B3GALT1: variants seen among roughly 807,000 people sequenced by gnomAD.
B3GALT1 encodes beta-1,3-galactosyltransferase 1.
B3GALT1 carries 10 observed loss-of-function variants against 23.2 expected under a neutral mutation model. The ratio of observed to expected loss-of-function variants is 0.43; its 90% CI spans 0.27 to 0.73. The LOEUF is 0.73. Among genes scored for constraint, B3GALT1 ranks in the 30% least tolerant of loss-of-function variants. B3GALT1 has a pLI of 0.21. For missense variants in B3GALT1, 299 were observed against 405.4 expected, an observed-to-expected ratio of 0.74 and a Z score of 2.25; for synonymous variants, 156 against 141.5, an observed-to-expected ratio of 1.10 and a Z score of -0.73.
At chr2:167,443,984 G>C (rs781647391) in intron 1 of B3GALT1, among the ~76,000 whole-genome samples, 1 of 152,176 alleles carries the variant, frequency 6.6e-6, no homozygotes, top group Non-Finnish European at 1.5e-5. Context: ...TGCCCATTCA[G>C]TATGATATTG....
chr2:167,416,386 G>A (rs1698471212), intron 1 of B3GALT1, among the ~76,000 whole-genome samples: 1 of 152,208 alleles, frequency 6.6e-6, no homozygotes, highest in Non-Finnish European at 1.5e-5. Context: ...GCATCCATGT[G>A]CAAATTCTGT....
At chr2:167,392,280 A>T (rs191915660) in intron 1 of B3GALT1, among the ~76,000 whole-genome samples, 1 of 152,226 alleles carries the variant, frequency 6.6e-6, no homozygotes, top group Admixed American at 6.5e-5. Flanking sequence ...AATATGGAAG[A>T]ATCTGAAGAA....
At chr2:167,355,223 C>A (rs10171431) in intron 1 of B3GALT1, among the ~76,000 whole-genome samples, 5,363 of 152,300 alleles carry the variant, frequency 0.035, 312 homozygotes, top group African/African-American at 0.12. Context: ...TTTAACCTCA[C>A]AGGTCACCAT....
At chr2:167,583,510 T>C (rs549115289) in intron 2 of B3GALT1, among the ~76,000 whole-genome samples, 1 of 152,352 alleles carries the variant, frequency 6.6e-6, no homozygotes, top group East Asian at 1.9e-4. Context: ...TACAGCTGTT[T>C]ATATTTACAA....
At chr2:167,523,688 G>T (rs920635170) in intron 2 of B3GALT1, among the ~76,000 whole-genome samples, 1 of 152,122 alleles carries the variant, frequency 6.6e-6, no homozygotes. Context: ...GCTTCCTGAA[G>T]TGCTGGGATG....
chr2:167,705,080 G>T, intron 3 of B3GALT1, among the ~76,000 whole-genome samples: 1 of 152,144 alleles, frequency 6.6e-6, no homozygotes. Flanking sequence ...TGACCTGCTT[G>T]TGTATTTGAC....
At chr2:167,733,141 T>C (rs942464372) in intron 3 of B3GALT1, among the ~76,000 whole-genome samples, 2 of 106,982 alleles carry the variant, frequency 1.9e-5, no homozygotes, top group African/African-American at 7.9e-5. Flanking sequence ...GAGAATCTGA[T>C]CTTCTTACTA....
intron 3 of B3GALT1, among the ~76,000 whole-genome samples, chr2:167,651,698 C>G (rs1432947998): frequency 6.6e-6 from 1 of 152,084 alleles, no homozygotes. Context: ...TTCCTTTTAT[C>G]AAAGACTCAG....
chr2:167,683,397 G>C (rs1193542542), intron 3 of B3GALT1, among the ~76,000 whole-genome samples: 2 of 152,126 alleles, frequency 1.3e-5, no homozygotes, highest in African/African-American at 2.4e-5. Flanking sequence ...CACTTTGCCA[G>C]GGCATTGGAT....
At chr2:167,810,975 A>C (rs1688876919) in intron 3 of B3GALT1, among the ~76,000 whole-genome samples, 1 of 152,218 alleles carries the variant, frequency 6.6e-6, no homozygotes, top group Non-Finnish European at 1.5e-5. Context: ...ACATCAGAGA[A>C]GTTCAAGGCA....
chr2:167,696,813 T>G (rs1157084892), intron 3 of B3GALT1, among the ~76,000 whole-genome samples: 1 of 152,192 alleles, frequency 6.6e-6, no homozygotes, highest in Non-Finnish European at 1.5e-5. Flanking sequence ...CGTCCATCTC[T>G]TCTATCAAGA....
At chr2:167,443,128 G>A (rs1220594793) in intron 1 of B3GALT1, among the ~76,000 whole-genome samples, 4 of 151,888 alleles carry the variant, frequency 2.6e-5, no homozygotes, top group African/African-American at 9.7e-5. Context: ...CTATTAAATA[G>A]GGAATCCTTT....
At chr2:167,631,889 G>C (rs1685454514) in intron 2 of B3GALT1, among the ~76,000 whole-genome samples, 1 of 149,908 alleles carries the variant, frequency 6.7e-6, no homozygotes, top group Non-Finnish European at 1.5e-5. Context: ...ATGCTGGTTT[G>C]CTGCACCCAT....
At chr2:167,320,520 G>A (rs1410630369) in intron 1 of B3GALT1, among the ~76,000 whole-genome samples, 1 of 151,934 alleles carries the variant, frequency 6.6e-6, no homozygotes. Flanking sequence ...GCCTCTGGTG[G>A]TCTAAATCTA....
At chr2:167,497,890 T>C (rs1317843171) in intron 2 of B3GALT1, among the ~76,000 whole-genome samples, 1 of 151,870 alleles carries the variant, frequency 6.6e-6, no homozygotes, top group Admixed American at 6.6e-5. Context: ...ATCTGTACTT[T>C]TAAGAATTAG....
intron 1 of B3GALT1, among the ~76,000 whole-genome samples, chr2:167,353,607 TATC>T (rs1429712520): frequency 6.6e-6 from 1 of 152,182 alleles, no homozygotes; most frequent in Non-Finnish European, 1.5e-5. Flanking sequence ...CAAGTACAAG[TATC>T]ATCAGGGATA....
chr2:167,674,791 A>T (rs765989410), intron 3 of B3GALT1, among the ~76,000 whole-genome samples: 8 of 152,230 alleles, frequency 5.3e-5, no homozygotes, highest in Non-Finnish European at 1.0e-4. Context: ...TTGGATTCTG[A>T]CTATTTTTAA....
At chr2:167,481,626 A>G (rs1699564342) in intron 1 of B3GALT1, among the ~76,000 whole-genome samples, 1 of 152,216 alleles carries the variant, frequency 6.6e-6, no homozygotes, top group South Asian at 2.1e-4. Flanking sequence ...GGTGTAAGCA[A>G]CTGAGAAAGA....
intron 3 of B3GALT1, among the ~76,000 whole-genome samples, chr2:167,804,970 A>C (rs1348247500): frequency 6.6e-6 from 1 of 152,316 alleles, no homozygotes; most frequent in South Asian, 2.1e-4. Flanking sequence ...CTATTTCTGC[A>C]CATCCTCTCC....
Sources: gnomAD v4.1 joint callset for allele counts (sites outside exome capture counted in the v4.1 genomes callset) on GRCh38, gnomAD v4.1.1 for gene constraint, MANE v1.5 for transcripts, NCBI Gene and HGNC (gene_info 2026-07-23, HGNC 2026-07-21) for gene names.